Variants in CNTN2 observed in about 807,000 individuals in gnomAD.
CNTN2 encodes the protein contactin 2.
CNTN2 carries 53 observed loss-of-function variants against 117.5 expected under a neutral mutation model. That is an observed-to-expected ratio of 0.45 (90% CI 0.36 to 0.57). The LOEUF (loss-of-function observed/expected upper bound fraction) is 0.57, where lower values mean the gene tolerates loss of function less well. CNTN2 is among the 20% of genes least tolerant of loss of function. CNTN2 has a pLI of 0.00. For synonymous variants in CNTN2, 530 were observed against 561.7 expected, an observed-to-expected ratio of 0.94 and a Z score of 0.80; for missense variants, 1,106 against 1,404.3, an observed-to-expected ratio of 0.79 and a Z score of 3.39.
At position 205,059,510 on chromosome 1, in the gene CNTN2, G is replaced by A; in HGVS notation, c.698-73G>A. 1 of 1,434,948 alleles carries A rather than the reference G, an allele frequency of 7.0e-7. No homozygotes were observed. Among genetic ancestry groups the A allele is most frequent in the Admixed American group, 1.7e-5 (1 of 59,588 alleles). 88.9% of individuals were successfully genotyped at this position (1,434,948 alleles called of 1,614,324 possible). A position where few individuals can be genotyped will look rare whatever the true frequency, so the allele number is the denominator to read the frequency against. ...CTAGACAGAGTTGGCTCTGAAAGGT[G>A]CTGAGATCCCATGCACGGGAGCACC... On this transcript the variant is annotated intron_variant, in intron 6 of 22. Coordinates refer to ENST00000331830, the MANE Select transcript of CNTN2 (RefSeq NM_005076.5). This position sits in a 1 kb window ranked among gnomAD's most constrained non-coding sequence, Gnocchi z 5.6.
At chr1:205,044,579 C>T (rs974046337) in intron 1 of CNTN2, among the ~76,000 whole-genome samples, 1 of 152,100 alleles carries the variant, frequency 6.6e-6, no homozygotes, top group African/African-American at 2.4e-5. Context: ...GGAGGAGGAA[C>T]AGCCCAAGAA....
chr1:205,061,060 T>G lies in CNTN2; in HGVS notation c.798-185T>G. 1 of 623,326 alleles carries G rather than the reference T, an allele frequency of 1.6e-6. No homozygotes were observed. The highest frequency in any genetic ancestry group is 2.7e-6 in the Non-Finnish European group (1 of 368,286). The allele number at this position is 623,326 out of a possible 1,614,324, so 38.6% of individuals were successfully genotyped here. A position where few individuals can be genotyped will look rare whatever the true frequency, so the allele number is the denominator to read the frequency against. Reference sequence around the variant, plus strand: ...GCAGCCCTGCCTCTTGCCCCTTCCCTGCGTGTGCTCCGAGCCTACCTGGGA... The same window carrying G: ...GCAGCCCTGCCTCTTGCCCCTTCCCGGCGTGTGCTCCGAGCCTACCTGGGA... On this transcript the variant is annotated intron_variant, in intron 7 of 22. Transcript: ENST00000331830. This position sits in a 1 kb window ranked among gnomAD's most constrained non-coding sequence, Gnocchi z 4.8.
At chr1:205,057,791 C>A in intron 2 of CNTN2, 130 bp from the exon 3 acceptor site, 3 of 1,106,114 alleles carry the variant, frequency 2.7e-6, no homozygotes, top group Non-Finnish European at 1.3e-6. Context: ...CTAGTGGTTA[C>A]CACATTGAAC....
rs1340737884 is a variant in CNTN2, at chr1:205,061,767, G to C, written c.974-98G>C. ...CAGAATGCTCATGGCGCCCTCTGCT[G>C]TCTGGCACAGGTGCTGCTGCCCTGA... On this transcript the variant is annotated intron_variant, in intron 8 of 22. Coordinates refer to ENST00000331830, the MANE Select transcript of CNTN2 (RefSeq NM_005076.5). This position sits in a 1 kb window ranked among gnomAD's most constrained non-coding sequence, Gnocchi z 4.8. 3.5e-6 allele frequency: 5 copies of C among 1,432,492 alleles called. No homozygotes were observed. Among genetic ancestry groups the C allele is most frequent in the East Asian group, 2.5e-5 (1 of 40,680 alleles). 88.7% of individuals were successfully genotyped at this position (1,432,492 alleles called of 1,614,324 possible).
In CNTN2 at chr1:205,061,990, C is replaced by G; in HGVS notation, c.1099C>G (p.Leu367Val). Residue 367 changes from leucine (L) to valine (V), a missense_variant, in exon 9 of 23, where the codon CTG (leucine) becomes GTG (valine). Leu to Val is a conservative substitution (Grantham distance 32). Transcript: ENST00000331830. The surrounding 1 kb of genome is among the most constrained non-coding windows in gnomAD (Gnocchi z 4.8). ...GCGCTGGCTGCGGAACGGGGAGCCT[C>G]TGGCCTCCCAGGTAGGAGACATGGG... ...TVRWLRNGEP[L>V]ASQNRVEVLA... The G allele has an allele frequency of 3.1e-6, 5 of 1,613,438 alleles. No homozygotes were observed. The highest frequency in any genetic ancestry group is 2.2e-5 in the East Asian group (1 of 44,870).
Position 205,043,228 on chromosome 1 carries a change from AC to A in CNTN2, c.-250del. On this transcript the variant is annotated 5_prime_UTR_variant, in exon 1 of 23. Coordinates refer to ENST00000331830, the MANE Select transcript of CNTN2 (RefSeq NM_005076.5). ...GGCGCGCTCACACACACGCGCCCTC[AC>A]CCGCCACCGCCGCCGCGGCCGCCGC... 6.5e-6 allele frequency: 1 copy of A among 152,952 alleles called. No individual in the cohort carries two copies. The highest frequency in any genetic ancestry group is 1.9e-4 in the South Asian group (1 of 5,266). 9.5% of individuals were successfully genotyped at this position (152,952 alleles called of 1,614,324 possible). A position where few individuals can be genotyped will look rare whatever the true frequency, so the allele number is the denominator to read the frequency against.
chr1:205,058,386 G>C lies in CNTN2; in HGVS notation c.391+30G>C. On this transcript the variant is annotated intron_variant, in intron 4 of 22. Transcript: ENST00000331830. The surrounding 1 kb of genome is among the most constrained non-coding windows in gnomAD (Gnocchi z 4.3). ...GACCCGCGGGGGACCAAGACACTTT[G>C]GGGGAGGGGGAGAGGGGGCTAGGAG... 2 of 1,534,188 alleles carry C rather than the reference G, an allele frequency of 1.3e-6. No individual in the cohort carries two copies. The highest frequency in any genetic ancestry group is 1.4e-5 in the African/African-American group (1 of 72,846).
chr1:205,062,345 AGC>A, intron 9 of CNTN2, 93 bp from the exon 10 acceptor site: 2 of 1,446,720 alleles, frequency 1.4e-6, no homozygotes, highest in Non-Finnish European at 1.9e-6. Context: ...AGGGATTATC[AGC>A]CTAGAGTCTC....
In CNTN2 at chr1:205,070,553, G is replaced by A. The variant is rs1451392241; in HGVS notation, c.2544+15G>A. 1 of 1,589,038 alleles carries A rather than the reference G, an allele frequency of 6.3e-7. No homozygotes were observed. Among genetic ancestry groups the A allele is most frequent in the Non-Finnish European group, 8.6e-7 (1 of 1,158,914 alleles). ...TGGGGTATGAGGTGAGCACCAACCT[G>A]GGACTTGGGAGAGGAAGGGGTGCTG... On this transcript the variant is annotated intron_variant, in intron 19 of 22. Coordinates refer to ENST00000331830, the MANE Select transcript of CNTN2 (RefSeq NM_005076.5).
chr1:205,066,954 A>G, intron 15 of CNTN2, 147 bp from the exon 16 acceptor site: 1 of 1,036,938 alleles, frequency 9.6e-7, no homozygotes, highest in South Asian at 1.7e-5. Flanking sequence ...TTTTTCAATC[A>G]TTTCTGAAAA....
In CNTN2 at chr1:205,062,503, A is replaced by G. The variant is rs1654045217; in HGVS notation, c.1174A>G (p.Met392Val). 9 of 1,613,988 alleles carry G rather than the reference A, an allele frequency of 5.6e-6. No homozygotes were observed. Among genetic ancestry groups the G allele is most frequent in the Non-Finnish European group, 7.6e-6 (9 of 1,179,992 alleles). Residue 392 changes from methionine to valine, a missense_variant, in exon 10 of 23, where the codon ATG becomes GTG. By Grantham distance (21) the Met-to-Val change is conservative. Coordinates refer to ENST00000331830, the MANE Select transcript of CNTN2 (RefSeq NM_005076.5). ...FSKLSLEDSGMYQCVAENKHG... is the reference protein window; with the variant it reads ...FSKLSLEDSGVYQCVAENKHG... ...CAAGCTGAGCCTGGAAGACTCGGGC[A>G]TGTACCAGTGTGTGGCAGAGAATAA...
Position 205,058,861 on chromosome 1 carries a change from A to T in CNTN2, c.487+198A>T. On this transcript the variant is annotated intron_variant, in intron 5 of 22. Coordinates refer to ENST00000331830, the MANE Select transcript of CNTN2 (RefSeq NM_005076.5). The surrounding 1 kb of genome is among the most constrained non-coding windows in gnomAD (Gnocchi z 4.3). Reference sequence around the variant, plus strand: ...ATCGTTGTGCCCTGCTTCCGCCTTCAAACTGGGTGGCCCCTGAGGGCTGCG... The same window carrying T: ...ATCGTTGTGCCCTGCTTCCGCCTTCTAACTGGGTGGCCCCTGAGGGCTGCG... 1 of 665,940 alleles carries T rather than the reference A, an allele frequency of 1.5e-6. No homozygotes were observed. Among genetic ancestry groups the T allele is most frequent in the Non-Finnish European group, 2.5e-6 (1 of 394,784 alleles). 41.3% of individuals were successfully genotyped at this position (665,940 alleles called of 1,614,324 possible). A position where few individuals can be genotyped will look rare whatever the true frequency, so the allele number is the denominator to read the frequency against.
In CNTN2 at chr1:205,058,845, C is replaced by T; in HGVS notation, c.487+182C>T. The T allele has an allele frequency of 7.5e-6, 5 of 669,784 alleles. No homozygotes were observed. Among genetic ancestry groups the T allele is most frequent in the Non-Finnish European group, 1.3e-5 (5 of 398,254 alleles). 41.5% of individuals were successfully genotyped at this position (669,784 alleles called of 1,614,324 possible). On this transcript the variant is annotated intron_variant, in intron 5 of 22. Coordinates refer to ENST00000331830, the MANE Select transcript of CNTN2 (RefSeq NM_005076.5). This position sits in a 1 kb window ranked among gnomAD's most constrained non-coding sequence, Gnocchi z 4.3. ...AGGTCTGTCACTTTCCATCGTTGTGCCCTGCTTCCGCCTTCAAACTGGGTG... is the reference window on the plus strand; with the variant it reads ...AGGTCTGTCACTTTCCATCGTTGTGTCCTGCTTCCGCCTTCAAACTGGGTG...
intron 1 of CNTN2, among the ~76,000 whole-genome samples, chr1:205,044,108 T>A (rs1007380313): frequency 6.6e-6 from 1 of 151,792 alleles, no homozygotes; most frequent in Non-Finnish European, 1.5e-5. Flanking sequence ...CCATCCTCAC[T>A]GGTGGGAGGG....
chr1:205,058,354 G>T lies in CNTN2; in HGVS notation c.389G>T (p.Gly130Val), dbSNP rs1041613320. The T allele has an allele frequency of 6.5e-7, 1 of 1,527,212 alleles. No individual in the cohort carries two copies. Among genetic ancestry groups the T allele is most frequent in the Non-Finnish European group, 8.8e-7 (1 of 1,136,060 alleles). The allele number at this position is 1,527,212 out of a possible 1,614,324, so 94.6% of individuals were successfully genotyped here. ...VVSREAILRF[G>V]FLQEFSKEER... ...AGCAGGGAGGCCATCCTCCGCTTCG[G>T]CTGTGAGACCCGCGGGGGACCAAGA... The change falls in exon 4 of 23, where the codon GGC (glycine) becomes GTC (valine). Residue 130 changes from glycine (G) to valine (V), a missense_variant and splice_region_variant. Coordinates refer to ENST00000331830, the MANE Select transcript of CNTN2 (RefSeq NM_005076.5). The surrounding 1 kb of genome is among the most constrained non-coding windows in gnomAD (Gnocchi z 4.3).
At chr1:205,057,000 T>C (rs1653664926) in intron 2 of CNTN2, among the ~76,000 whole-genome samples, 1 of 152,184 alleles carries the variant, frequency 6.6e-6, no homozygotes, top group South Asian at 2.1e-4. Context: ...ATTGTGATAC[T>C]GGAATTGTAT....
At position 205,058,622 on chromosome 1, in the gene CNTN2, G is replaced by C; in HGVS notation, c.446G>C (p.Trp149Ser). The C allele has an allele frequency of 6.2e-7, 1 of 1,612,282 alleles. No individual in the cohort carries two copies. The highest frequency in any genetic ancestry group is 1.7e-4 in the Middle Eastern group (1 of 6,014). Residue 149 changes from tryptophan to serine, a missense_variant, in exon 5 of 23, where the codon TGG (tryptophan) becomes TCG (serine). Coordinates refer to ENST00000331830, the MANE Select transcript of CNTN2 (RefSeq NM_005076.5). This position sits in a 1 kb window ranked among gnomAD's most constrained non-coding sequence, Gnocchi z 4.3. ...GACCCAGTGAAAGCTCATGAAGGCT[G>C]GGGGGTGATGTTGCCCTGTAACCCA... is the stretch of plus-strand genomic sequence containing the variant. ...ERDPVKAHEG[W>S]GVMLPCNPPA... is the part of the protein sequence containing the mutation.
chr1:205,050,278 AGTGTGTGTGTGTGTGTGTGTGT>A (rs3073631), intron 1 of CNTN2, among the ~76,000 whole-genome samples: 1 of 145,392 alleles, frequency 6.9e-6, no homozygotes, highest in Non-Finnish European at 1.5e-5. Flanking sequence ...TAGAGCTCTG[AGTGTGTGTGTGTGTGTGTGTGT>A]GTGTGTGTGT....
rs927687706 is a variant in CNTN2, at chr1:205,070,588, A to G, written c.2544+50A>G. The G allele has an allele frequency of 3.7e-6, 5 of 1,353,084 alleles. No homozygotes were observed. In the Admixed American group the frequency reaches 7.3e-5, roughly 20 times the overall value. 83.8% of individuals were successfully genotyped at this position (1,353,084 alleles called of 1,614,324 possible). A position where few individuals can be genotyped will look rare whatever the true frequency, so the allele number is the denominator to read the frequency against. ...AGAGGAAGGGGTGCTGGGGCTTCAA[A>G]GCCAGGTGGGAACAACTCACAGACC... On this transcript the variant is annotated intron_variant, in intron 19 of 22. Coordinates refer to ENST00000331830, the MANE Select transcript of CNTN2 (RefSeq NM_005076.5).
Sources: gnomAD v4.1 joint callset for allele counts (sites outside exome capture counted in the v4.1 genomes callset) on GRCh38, gnomAD v4.1.1 for gene constraint, Gnocchi (gnomAD v3.1) non-coding constraint, MANE v1.5 for transcripts, NCBI Gene and HGNC (gene_info 2026-07-23, HGNC 2026-07-21) for gene names.